TRPS1: variants seen among roughly 807,000 people sequenced by gnomAD.
The protein encoded by TRPS1 is transcriptional repressor GATA binding 1.
TRPS1 carries 6 observed loss-of-function variants against 101.2 expected under a neutral mutation model. The observed-to-expected ratio is 0.06, with a 90% confidence interval of 0.03 to 0.12. TRPS1 has a LOEUF of 0.12. Ranked by LOEUF, TRPS1 falls within the 10% of genes least tolerant of loss-of-function variation. The pLI is 1.00. For missense variants in TRPS1, 1,363 were observed against 1,567.0 expected, an observed-to-expected ratio of 0.87 and a Z score of 2.20; for synonymous variants, 578 against 589.8, an observed-to-expected ratio of 0.98 and a Z score of 0.29.
Position 115,604,465 on chromosome 8 carries a change from T to A in TRPS1, c.1504A>T (p.Ser502Cys). Reference protein sequence around the residue: ...SVINQNDLAKSSEGETMTKTD... With the variant: ...SVINQNDLAKCSEGETMTKTD... ...TTGGTCATTGTCTCTCCTTCTGAAC[T>A]TTTGGCTAGATCATTCTGATTAATG... is the stretch of plus-strand genomic sequence containing the variant. The change falls in exon 4 of 7, where the codon AGT becomes TGT. Residue 502 changes from serine to cysteine, a missense_variant. Ser to Cys is a moderately radical substitution (Grantham distance 112). Coordinates refer to ENST00000395715, the MANE Select transcript of TRPS1 (RefSeq NM_014112.5). This position sits in a 1 kb window ranked among gnomAD's most constrained non-coding sequence, Gnocchi z 4.1. The A allele has an allele frequency of 6.2e-7, 1 of 1,614,102 alleles. No individual in the cohort carries two copies. Among genetic ancestry groups the A allele is most frequent in the Non-Finnish European group, 8.5e-7 (1 of 1,179,978 alleles).
chr8:115,555,210 T>A (rs1034355184), intron 5 of TRPS1, among the ~76,000 whole-genome samples: 7 of 152,188 alleles, frequency 4.6e-5, no homozygotes, highest in African/African-American at 7.2e-5. Context: ...ATACTTGGTT[T>A]TTTTTCTGTA....
chr8:115,650,504 GA>G (rs1811535600), intron 1 of TRPS1, among the ~76,000 whole-genome samples: 2 of 152,140 alleles, frequency 1.3e-5, no homozygotes, highest in South Asian at 4.1e-4. Context: ...TAATTTTCCA[GA>G]GCTGTTTAAA....
At chr8:115,611,031 C>T (rs537298034) in intron 3 of TRPS1, among the ~76,000 whole-genome samples, 2 of 151,094 alleles carry the variant, frequency 1.3e-5, no homozygotes, top group South Asian at 2.1e-4. Context: ...GTGGGAGAAT[C>T]GCTTGAGCCT....
In TRPS1 at chr8:115,414,718, T is replaced by A. The variant is rs558328276; in HGVS notation, c.3190A>T (p.Asn1064Tyr). ...TTCCCTTCAGATACGGATGAACTAT[T>A]TCCTGGATCTCCAGTACTTTCCTGA... ...SPQESTGDPG[N>Y]SSSVSEGKGS... The change falls in exon 7 of 7, where the codon AAT (asparagine) becomes TAT (tyrosine). Residue 1064 changes from asparagine to tyrosine, a missense_variant. Transcript: ENST00000395715. The surrounding 1 kb of genome is among the most constrained non-coding windows in gnomAD (Gnocchi z 4.8). 1 of 1,614,084 alleles carries A rather than the reference T, an allele frequency of 6.2e-7. No individual in the cohort carries two copies. Among genetic ancestry groups the A allele is most frequent in the Admixed American group, 1.7e-5 (1 of 60,010 alleles).
intron 5 of TRPS1, among the ~76,000 whole-genome samples, chr8:115,512,291 T>TA (rs1815604950): frequency 6.6e-6 from 1 of 151,794 alleles, no homozygotes; most frequent in South Asian, 2.1e-4. Context: ...GGTTGCCTTT[T>TA]AAAAAAATCT....
chr8:115,491,943 C>T (rs771681776), intron 5 of TRPS1, among the ~76,000 whole-genome samples: 2 of 151,922 alleles, frequency 1.3e-5, no homozygotes, highest in African/African-American at 4.8e-5. Flanking sequence ...AGCAAATATC[C>T]TAGGGATATG....
At chr8:115,486,632 T>C (rs1374899159) in intron 5 of TRPS1, among the ~76,000 whole-genome samples, 1 of 152,308 alleles carries the variant, frequency 6.6e-6, no homozygotes, top group East Asian at 1.9e-4. Context: ...AATTACCTCA[T>C]TGCTAATATG....
intron 5 of TRPS1, among the ~76,000 whole-genome samples, chr8:115,470,012 A>G (rs1376735153): frequency 6.6e-6 from 1 of 152,162 alleles, no homozygotes; most frequent in East Asian, 1.9e-4. Flanking sequence ...TGACAGCTTG[A>G]CTATCTCTAT....
At chr8:115,513,576 A>C (rs1214964627) in intron 5 of TRPS1, among the ~76,000 whole-genome samples, 3 of 151,668 alleles carry the variant, frequency 2.0e-5, no homozygotes, top group African/African-American at 7.3e-5. Flanking sequence ...CTATGCTATA[A>C]GTATAGGTTT....
intron 5 of TRPS1, among the ~76,000 whole-genome samples, chr8:115,490,341 T>C (rs1814990915): frequency 6.6e-6 from 1 of 152,146 alleles, no homozygotes; most frequent in African/African-American, 2.4e-5. Flanking sequence ...GATAAAGATA[T>C]ATAGTTAATT....
intron 5 of TRPS1, among the ~76,000 whole-genome samples, chr8:115,580,048 G>A (rs1227764278): frequency 6.6e-6 from 1 of 151,516 alleles, no homozygotes; most frequent in South Asian, 2.1e-4. Flanking sequence ...TCTCCAAAAG[G>A]AAAAAGGGTC....
At chr8:115,509,964 C>A (rs1266070828) in intron 5 of TRPS1, among the ~76,000 whole-genome samples, 1 of 151,994 alleles carries the variant, frequency 6.6e-6, no homozygotes, top group Non-Finnish European at 1.5e-5. Flanking sequence ...GTAGGATTAA[C>A]CTGCATGAAA....
intron 5 of TRPS1, among the ~76,000 whole-genome samples, chr8:115,419,349 G>A (rs1812996512): frequency 6.6e-6 from 1 of 150,856 alleles, no homozygotes; most frequent in Non-Finnish European, 1.5e-5. Context: ...AATACTAACA[G>A]GCAGGAAATG....
chr8:115,529,054 G>A (rs1443787482), intron 5 of TRPS1, among the ~76,000 whole-genome samples: 1 of 152,010 alleles, frequency 6.6e-6, no homozygotes, highest in African/African-American at 2.4e-5. Context: ...CCAATGCTAT[G>A]AGCTAGGAAG....
At chr8:115,600,508 C>T (rs1018744874) in intron 4 of TRPS1, among the ~76,000 whole-genome samples, 3 of 152,054 alleles carry the variant, frequency 2.0e-5, no homozygotes, top group East Asian at 1.9e-4. Context: ...AACTCAGATT[C>T]GTCCCCTTCT....
At chr8:115,461,870 A>G (rs1814188310) in intron 5 of TRPS1, among the ~76,000 whole-genome samples, 1 of 152,158 alleles carries the variant, frequency 6.6e-6, no homozygotes, top group African/African-American at 2.4e-5. Flanking sequence ...AATTATTTTG[A>G]AGACAAATAA....
At chr8:115,552,139 T>C (rs1371998155) in intron 5 of TRPS1, among the ~76,000 whole-genome samples, 2 of 152,146 alleles carry the variant, frequency 1.3e-5, no homozygotes, top group Non-Finnish European at 2.9e-5. Flanking sequence ...TTTAACACTG[T>C]CAAAAAAATA....
rs374896967 is a variant in TRPS1, at chr8:115,518,250, G to GT, written c.2700+68750dup. ...AATTTAAATCACACACCAATAATGA[G>GT]TTGTAAAGCTAAAGGAAACTATCCT... On this transcript the variant is annotated intron_variant, in intron 5 of 6. Coordinates refer to ENST00000395715, the MANE Select transcript of TRPS1 (RefSeq NM_014112.5). Among the ~76,000 whole-genome samples, 1,147 of 151,780 alleles carry GT rather than the reference G, an allele frequency of 7.6e-3. 19 individuals carry two copies. The highest frequency in any genetic ancestry group is 0.026 in the African/African-American group (1,079 of 41,462).
At chr8:115,527,504 TA>T (rs1196870318) in intron 5 of TRPS1, among the ~76,000 whole-genome samples, 2 of 150,778 alleles carry the variant, frequency 1.3e-5, no homozygotes, top group South Asian at 2.1e-4. Context: ...GTTCATATAT[TA>T]AAAAAAAGTT....
Sources: gnomAD v4.1 joint callset for allele counts (sites outside exome capture counted in the v4.1 genomes callset) on GRCh38, gnomAD v4.1.1 for gene constraint, Gnocchi (gnomAD v3.1) non-coding constraint, MANE v1.5 for transcripts, NCBI Gene and HGNC (gene_info 2026-07-23, HGNC 2026-07-21) for gene names.